LRRC7: variants seen among roughly 807,000 people sequenced by gnomAD.
LRRC7 encodes leucine rich repeat containing 7, also known as leucine-rich repeat-containing protein 7.
In LRRC7, 23 loss-of-function variants were observed where a neutral mutation model predicts 175.7. The observed-to-expected ratio is 0.13, with a 90% CI of 0.09 to 0.19. The LOEUF is 0.19. LRRC7 is among the 10% of genes least tolerant of loss of function. The pLI is 1.00. For synonymous variants in LRRC7, 685 were observed against 680.9 expected (o/e 1.01, Z -0.09); for missense variants, 1,354 against 1,904.7 (o/e 0.71, Z 5.38).
rs543993291 is a variant in LRRC7, at chr1:70,140,733, C to G, written c.*18846C>G. On this transcript the variant is annotated 3_prime_UTR_variant, in exon 27 of 27. Coordinates refer to ENST00000651989, the MANE Select transcript of LRRC7 (RefSeq NM_001370785.2). ...CCCAAACCAGGCTTGAGAAAAAAAGCATTCAAGGGCCCTGCCCAGTATCTC... is the reference window on the plus strand; with the variant it reads ...CCCAAACCAGGCTTGAGAAAAAAAGGATTCAAGGGCCCTGCCCAGTATCTC... The G allele has an allele frequency of 7.2e-4, 110 of 152,242 alleles. No individual in the cohort carries two copies. Among genetic ancestry groups the G allele is most frequent in the African/African-American group, 2.6e-3 (109 of 41,564 alleles). The allele number at this position is 152,242 out of a possible 1,614,324, so 9.4% of individuals were successfully genotyped here.
At chr1:69,573,882 G>A (rs1177042645) in intron 1 of LRRC7, among the ~76,000 whole-genome samples, 1 of 152,122 alleles carries the variant, frequency 6.6e-6, no homozygotes, top group African/African-American at 2.4e-5. Flanking sequence ...TTGACATGAT[G>A]TGTTTAAATA....
At chr1:69,788,394 T>C (rs1188796787) in intron 3 of LRRC7, among the ~76,000 whole-genome samples, 1 of 152,226 alleles carries the variant, frequency 6.6e-6, no homozygotes, top group African/African-American at 2.4e-5. Context: ...ACTCTTTAAA[T>C]ATTTAGTTCA....
chr1:69,703,864 A>G (rs1189159449), intron 2 of LRRC7, among the ~76,000 whole-genome samples: 1 of 151,988 alleles, frequency 6.6e-6, no homozygotes, highest in East Asian at 1.9e-4. Flanking sequence ...AATGTAGTCA[A>G]CTTTATCACT....
intron 2 of LRRC7, among the ~76,000 whole-genome samples, chr1:69,725,088 A>T (rs1303240346): frequency 6.6e-6 from 1 of 152,138 alleles, no homozygotes; most frequent in African/African-American, 2.4e-5. Context: ...TTTTATATAT[A>T]TATGTATATT....
chr1:69,747,156 G>A (rs1335984033), intron 2 of LRRC7, among the ~76,000 whole-genome samples: 3 of 152,112 alleles, frequency 2.0e-5, no homozygotes, highest in Admixed American at 6.6e-5. Context: ...CACACTCTGA[G>A]GTAGTGACGT....
intron 7 of LRRC7, among the ~76,000 whole-genome samples, chr1:69,883,564 T>G (rs1686861574): frequency 9.9e-6 from 1 of 101,286 alleles, no homozygotes; most frequent in South Asian, 3.0e-4. Flanking sequence ...TTTTGTAGGT[T>G]GCCTGTTCAC....
intron 18 of LRRC7, among the ~76,000 whole-genome samples, chr1:70,033,018 G>A (rs1024466995): frequency 6.6e-6 from 1 of 152,090 alleles, no homozygotes; most frequent in Non-Finnish European, 1.5e-5. Context: ...TTTTCCAAAA[G>A]GAACTCAATT....
chr1:69,952,271 C>G (rs912274543), intron 8 of LRRC7, among the ~76,000 whole-genome samples: 8 of 151,978 alleles, frequency 5.3e-5, no homozygotes, highest in African/African-American at 1.9e-4. Flanking sequence ...TATTCTAGAA[C>G]TTATAGAATA....
intron 25 of LRRC7, among the ~76,000 whole-genome samples, chr1:70,101,725 C>T (rs77712145): frequency 6.6e-6 from 1 of 152,140 alleles, no homozygotes; most frequent in Non-Finnish European, 1.5e-5. Flanking sequence ...GGAATAATCA[C>T]TTATGACTTG....
intron 24 of LRRC7, among the ~76,000 whole-genome samples, chr1:70,077,361 T>C (rs1662861285): frequency 6.6e-6 from 1 of 152,176 alleles, no homozygotes; most frequent in Non-Finnish European, 1.5e-5. Context: ...GAATTTAAGG[T>C]ATCATAAACC....
intron 3 of LRRC7, among the ~76,000 whole-genome samples, chr1:69,778,121 A>G (rs532907051): frequency 6.6e-6 from 1 of 152,216 alleles, no homozygotes; most frequent in East Asian, 1.9e-4. Flanking sequence ...CTGGCATGCT[A>G]CTTTGATTCA....
At chr1:69,856,141 G>T (rs138672653) in intron 7 of LRRC7, among the ~76,000 whole-genome samples, 7 of 152,066 alleles carry the variant, frequency 4.6e-5, no homozygotes, top group Non-Finnish European at 7.4e-5. Flanking sequence ...GGTTAATACC[G>T]TTATGTGTGA....
At chr1:70,045,352 A>G (rs548046120) in intron 22 of LRRC7, among the ~76,000 whole-genome samples, 1 of 152,102 alleles carries the variant, frequency 6.6e-6, no homozygotes, top group Non-Finnish European at 1.5e-5. Context: ...ATTTCAAGGT[A>G]CCAACTTAAT....
At chr1:69,700,679 A>G (rs141081400) in intron 2 of LRRC7, among the ~76,000 whole-genome samples, 6 of 152,354 alleles carry the variant, frequency 3.9e-5, no homozygotes, top group African/African-American at 1.4e-4. Flanking sequence ...GGGGAAGAGA[A>G]GACCAAGAGA....
At chr1:69,619,788 A>G (rs1650263387) in intron 1 of LRRC7, among the ~76,000 whole-genome samples, 1 of 152,214 alleles carries the variant, frequency 6.6e-6, no homozygotes. Context: ...TGGTGGTGAG[A>G]TTGATACTGT....
intron 1 of LRRC7, among the ~76,000 whole-genome samples, chr1:69,642,647 CT>C (rs2100437152): frequency 6.6e-6 from 1 of 152,102 alleles, no homozygotes; most frequent in South Asian, 2.1e-4. Context: ...CAGATTTTCC[CT>C]GATAAAATCA....
intron 7 of LRRC7, chr1:69,919,777 G>T (rs939417509): frequency 4.4e-6 from 4 of 915,310 alleles, no homozygotes; most frequent in East Asian, 2.4e-5. Context: ...CGCGGCGGAC[G>T]GGGGAGATGA....
chr1:69,676,769 G>T (rs1403047338), intron 1 of LRRC7, among the ~76,000 whole-genome samples: 1 of 151,792 alleles, frequency 6.6e-6, no homozygotes. Flanking sequence ...TTGAAAACTG[G>T]TACTTTTTAA....
At chr1:69,878,168 T>G (rs1398682217) in intron 7 of LRRC7, among the ~76,000 whole-genome samples, 1 of 152,028 alleles carries the variant, frequency 6.6e-6, no homozygotes, top group Non-Finnish European at 1.5e-5. Flanking sequence ...TTGTAAAGAT[T>G]GGACTTCCTG....
Sources: gnomAD v4.1 joint callset for allele counts (sites outside exome capture counted in the v4.1 genomes callset) on GRCh38, gnomAD v4.1.1 for gene constraint, MANE v1.5 for transcripts, NCBI Gene and HGNC (gene_info 2026-07-23, HGNC 2026-07-21) for gene names.